Variants in SH3RF3 observed in about 807,000 individuals in gnomAD.
The protein encoded by SH3RF3 is E3 ubiquitin-protein ligase SH3RF3.
In SH3RF3, 29 loss-of-function variants were observed where a neutral mutation model predicts 66.3. The ratio of observed to expected loss-of-function variants is 0.44; its 90% confidence interval spans 0.33 to 0.60. The LOEUF is 0.60. SH3RF3 is among the 20% of genes least tolerant of loss of function. The pLI is 0.04. For missense variants in SH3RF3, 1,194 were observed against 1,190.9 expected (o/e 1.00, Z -0.04); for synonymous variants, 583 against 532.0 (o/e 1.10, Z -1.32).
chr2:109,204,996 C>T (rs1435852951), intron 1 of SH3RF3, among the ~76,000 whole-genome samples: 2 of 152,082 alleles, frequency 1.3e-5, no homozygotes, highest in Non-Finnish European at 1.5e-5. Flanking sequence ...TCACTTGAAG[C>T]CAGGAGGTTG....
chr2:109,492,561 G>T (rs138244287), intron 9 of SH3RF3, among the ~76,000 whole-genome samples: 16 of 152,272 alleles, frequency 1.1e-4, no homozygotes, highest in Non-Finnish European at 2.2e-4. Flanking sequence ...TTCCCCAAGC[G>T]CTACATGTGT....
chr2:109,282,609 G>A (rs1020670985), intron 1 of SH3RF3, among the ~76,000 whole-genome samples: 3 of 152,322 alleles, frequency 2.0e-5, no homozygotes, highest in Middle Eastern at 3.4e-3. Context: ...GCCAATGCAC[G>A]CACTCCACCT....
At chr2:109,419,714 C>T (rs1387045846) in intron 5 of SH3RF3, 72 bp downstream of exon 5, 51 of 1,425,844 alleles carry the variant, frequency 3.6e-5, no homozygotes, top group African/African-American at 9.9e-5. Context: ...GACCTGTCCA[C>T]GTGTGGTTTC....
intron 1 of SH3RF3, among the ~76,000 whole-genome samples, chr2:109,281,639 A>G (rs376576717): frequency 3.3e-5 from 5 of 152,166 alleles, no homozygotes; most frequent in Admixed American, 6.5e-5. Context: ...TAATTTGAGT[A>G]TAAGTGTTTA....
rs186889116 is a variant in SH3RF3 at position 109,459,631 on chromosome 2, C to T, written c.2148+10142C>T. Among the ~76,000 whole-genome samples, 240 of 152,236 alleles carry T rather than the reference C, an allele frequency of 1.6e-3. 2 individuals carry two copies. Among genetic ancestry groups the T allele is most frequent in the African/African-American group, 5.6e-3 (231 of 41,536 alleles). On this transcript the variant is annotated intron_variant, in intron 8 of 9. Coordinates refer to ENST00000309415, the MANE Select transcript of SH3RF3 (RefSeq NM_001099289.3). Reference sequence around the variant, plus strand: ...TTCCCACGGTGGTCAGGATCAGTCACCCGAGCCAGCACAGTAGTTCCCGTT... The same window carrying T: ...TTCCCACGGTGGTCAGGATCAGTCATCCGAGCCAGCACAGTAGTTCCCGTT...
At chr2:109,422,703 G>A (rs1457274801) in intron 5 of SH3RF3, among the ~76,000 whole-genome samples, 1 of 152,190 alleles carries the variant, frequency 6.6e-6, no homozygotes, top group Non-Finnish European at 1.5e-5. Flanking sequence ...CCATGCTCCT[G>A]GGCACAGCCA....
chr2:109,325,268 C>A (rs1005148273), intron 1 of SH3RF3, among the ~76,000 whole-genome samples: 1 of 149,840 alleles, frequency 6.7e-6, no homozygotes. Flanking sequence ...GCCAAGAAAT[C>A]GTAGAATCCC....
chr2:109,241,704 C>T (rs1679787936), intron 1 of SH3RF3, among the ~76,000 whole-genome samples: 1 of 152,020 alleles, frequency 6.6e-6, no homozygotes, highest in African/African-American at 2.4e-5. Context: ...AGTCCCTCTT[C>T]TCTGGCTTCT....
intron 1 of SH3RF3, among the ~76,000 whole-genome samples, chr2:109,239,480 C>T (rs1679727673): frequency 6.6e-6 from 1 of 152,196 alleles, no homozygotes; most frequent in Admixed American, 6.5e-5. Context: ...CTTTTTAGAA[C>T]AAACGGACTA....
chr2:109,265,478 T>C (rs533476890), intron 1 of SH3RF3, among the ~76,000 whole-genome samples: 5 of 152,194 alleles, frequency 3.3e-5, no homozygotes, highest in East Asian at 1.9e-4. Flanking sequence ...AAATAACCCA[T>C]TCAGGGCAGT....
Position 109,129,561 on chromosome 2 carries a change from G to C in SH3RF3, c.21G>C (p.Trp7Cys). 6.7e-7 allele frequency: 1 copy of C among 1,490,960 alleles called. No homozygotes were observed. The highest frequency in any genetic ancestry group is 8.9e-7 in the Non-Finnish European group (1 of 1,128,312). The allele number at this position is 1,490,960 out of a possible 1,614,324, so 92.4% of individuals were successfully genotyped here. A position where few individuals can be genotyped will look rare whatever the true frequency, so the allele number is the denominator to read the frequency against. The stretch of plus-strand genomic sequence containing the variant: ...CCCCCATGCTGCTCGGAGCGTCCTG[G>C]CTGTGCGCATCCAAGGCGGCCGCCG... Reference protein sequence around the residue: MLLGASWLCASKAAAAA... With the variant: MLLGASCLCASKAAAAA... Residue 7 changes from tryptophan to cysteine, a missense_variant, in exon 1 of 10, where the codon TGG (tryptophan) becomes TGC (cysteine). By Grantham distance (215) the Trp-to-Cys change is radical. Coordinates refer to ENST00000309415, the MANE Select transcript of SH3RF3 (RefSeq NM_001099289.3).
intron 8 of SH3RF3, among the ~76,000 whole-genome samples, chr2:109,468,728 C>T (rs1678424051): frequency 6.6e-6 from 1 of 151,720 alleles, no homozygotes; most frequent in African/African-American, 2.4e-5. Flanking sequence ...GTGGCGGGCA[C>T]CTGTAATCCC....
At chr2:109,368,013 A>C (rs988429028) in intron 2 of SH3RF3, among the ~76,000 whole-genome samples, 15 of 152,258 alleles carry the variant, frequency 9.9e-5, no homozygotes, top group Non-Finnish European at 4.4e-5. Context: ...CAAAAGGGGA[A>C]TCTTCCTGTT....
intron 9 of SH3RF3, among the ~76,000 whole-genome samples, chr2:109,492,258 C>T (rs146649364): frequency 0.1 from 15,733 of 152,238 alleles, 1,228 homozygotes; most frequent in Admixed American, 0.23. Flanking sequence ...ACAACATTCA[C>T]AGCTCTAAGA....
At chr2:109,322,455 C>G (rs1682048370) in intron 1 of SH3RF3, among the ~76,000 whole-genome samples, 1 of 152,146 alleles carries the variant, frequency 6.6e-6, no homozygotes, top group African/African-American at 2.4e-5. Flanking sequence ...GAGAGTTGAG[C>G]TTAAATCAGC....
chr2:109,452,030 T>C (rs1677886718), intron 8 of SH3RF3, among the ~76,000 whole-genome samples: 1 of 152,190 alleles, frequency 6.6e-6, no homozygotes, highest in Admixed American at 6.5e-5. Flanking sequence ...CCACCTCTCA[T>C]AAACAACAAA....
At chr2:109,443,152 A>T (rs940134052) in intron 7 of SH3RF3, among the ~76,000 whole-genome samples, 1 of 152,278 alleles carries the variant, frequency 6.6e-6, no homozygotes, top group African/African-American at 2.4e-5. Flanking sequence ...GGGTGTGTAC[A>T]CATATCTCAC....
intron 1 of SH3RF3, among the ~76,000 whole-genome samples, chr2:109,179,649 T>C (rs1282878485): frequency 1.3e-5 from 2 of 152,172 alleles, no homozygotes; most frequent in Non-Finnish European, 2.9e-5. Context: ...GGCAAGAATG[T>C]GCTAGCTAAG....
intron 1 of SH3RF3, among the ~76,000 whole-genome samples, chr2:109,171,098 G>C (rs757862122): frequency 2.6e-5 from 4 of 152,136 alleles, no homozygotes; most frequent in Non-Finnish European, 5.9e-5. Context: ...CACTTGCTGT[G>C]TGACTTATCT....
Sources: allele counts gnomAD v4.1 joint callset (sites outside exome capture counted in the v4.1 genomes callset), GRCh38; gene constraint gnomAD v4.1.1; transcripts MANE v1.5; gene names NCBI Gene and HGNC (gene_info 2026-07-23, HGNC 2026-07-21).